The following XYLT1 variants were observed in gnomAD, a reference collection of about 807,000 sequenced individuals.
XYLT1 encodes the protein xylosyltransferase 1, also known as beta-D-xylosyltransferase 1.
In XYLT1, 36 loss-of-function variants were observed where a neutral mutation model predicts 91.3. The ratio of observed to expected loss-of-function variants is 0.39; its 90% CI spans 0.30 to 0.52. XYLT1 has a LOEUF of 0.52. Among genes scored for constraint, XYLT1 ranks in the 20% least tolerant of loss-of-function variants. XYLT1 has a pLI of 0.68. For synonymous variants in XYLT1, 588 were observed against 532.0 expected (o/e 1.11, Z -1.45); for missense variants, 1,242 against 1,284.5 (o/e 0.97, Z 0.51).
chr16:17,256,940 C>T (rs535399221), intron 3 of XYLT1, among the ~76,000 whole-genome samples: 1 of 152,326 alleles, frequency 6.6e-6, no homozygotes, highest in South Asian at 2.1e-4. Flanking sequence ...CTTCCAGCTG[C>T]ATCTGTTGAC....
chr16:17,357,206 C>T (rs2035313294), intron 2 of XYLT1, among the ~76,000 whole-genome samples: 2 of 145,414 alleles, frequency 1.4e-5, no homozygotes, highest in Admixed American at 1.4e-4. Flanking sequence ...AAAACGCTAC[C>T]ACTCACAAGC....
At chr16:17,157,722 C>A (rs150042107) in intron 6 of XYLT1, among the ~76,000 whole-genome samples, 1 of 152,202 alleles carries the variant, frequency 6.6e-6, no homozygotes, top group East Asian at 1.9e-4. Flanking sequence ...TCAGAGCCAC[C>A]CTGGACTGGT....
At chr16:17,337,086 G>A (rs577079551) in intron 2 of XYLT1, among the ~76,000 whole-genome samples, 320 of 152,280 alleles carry the variant, frequency 2.1e-3, no homozygotes, top group Non-Finnish European at 4.0e-3. Flanking sequence ...AAAGTACAGG[G>A]TGGGTTTTTT....
chr16:17,413,172 A>G (rs1314112901), intron 1 of XYLT1, among the ~76,000 whole-genome samples: 1 of 152,136 alleles, frequency 6.6e-6, no homozygotes, highest in Non-Finnish European at 1.5e-5. Context: ...CAGTCATCCT[A>G]TTTGTGCCCC....
intron 2 of XYLT1, among the ~76,000 whole-genome samples, chr16:17,343,753 G>A (rs536994255): frequency 6.6e-6 from 1 of 152,312 alleles, no homozygotes; most frequent in South Asian, 2.1e-4. Context: ...ACAGGCATGA[G>A]CCACCATACC....
rs139889964 is a variant in XYLT1, at chr16:17,224,334, G to C, written c.914-23680C>G. ...TACATGAACAAATGAATGACCCAAC[G>C]AACACTTTTAGCAGCATCTGCCTTC... On this transcript the variant is annotated intron_variant, in intron 3 of 11. Transcript: ENST00000261381. 1.2e-4 allele frequency among the ~76,000 whole-genome samples: 18 copies of C among 152,288 alleles called. No homozygotes were observed. In the East Asian group the frequency reaches 2.5e-3, roughly 21 times the overall value.
intron 10 of XYLT1, among the ~76,000 whole-genome samples, chr16:17,125,928 C>T (rs1463707083): frequency 2.0e-5 from 3 of 152,058 alleles, no homozygotes. Context: ...CATGAGATTC[C>T]CATGTATTGG....
At chr16:17,361,702 T>C (rs1358241462) in intron 1 of XYLT1, among the ~76,000 whole-genome samples, 1 of 152,170 alleles carries the variant, frequency 6.6e-6, no homozygotes, top group Non-Finnish European at 1.5e-5. Context: ...AATATACCAG[T>C]CCTTCTGAAT....
At chr16:17,456,395 T>C (rs2036743499) in intron 1 of XYLT1, among the ~76,000 whole-genome samples, 1 of 144,790 alleles carries the variant, frequency 6.9e-6, no homozygotes, top group Non-Finnish European at 1.5e-5. Flanking sequence ...TGGAGTGCAG[T>C]GGTGCGATCA....
At chr16:17,269,647 G>A (rs1453114181) in intron 2 of XYLT1, among the ~76,000 whole-genome samples, 5 of 152,084 alleles carry the variant, frequency 3.3e-5, no homozygotes, top group African/African-American at 1.2e-4. Flanking sequence ...AAGAGAGCAG[G>A]AGCCACACTT....
At chr16:17,162,716 T>C (rs1329310757) in intron 5 of XYLT1, among the ~76,000 whole-genome samples, 1 of 152,204 alleles carries the variant, frequency 6.6e-6, no homozygotes, top group Non-Finnish European at 1.5e-5. Context: ...CCCCACCCAA[T>C]ACCTATTGAG....
chr16:17,338,299 C>T (rs1252945757), intron 2 of XYLT1: 1 of 456,514 alleles, frequency 2.2e-6, no homozygotes, highest in South Asian at 1.5e-5. Flanking sequence ...AGTGGCTCCC[C>T]ATTACCTACA....
At chr16:17,332,233 T>C (rs1444003670) in intron 2 of XYLT1, among the ~76,000 whole-genome samples, 1 of 152,166 alleles carries the variant, frequency 6.6e-6, no homozygotes, top group Non-Finnish European at 1.5e-5. Flanking sequence ...AGGGTGGGAA[T>C]CTACTTCAAC....
chr16:17,250,409 G>C (rs940107375), intron 3 of XYLT1: 1 of 152,206 alleles, frequency 6.6e-6, no homozygotes, highest in Admixed American at 6.5e-5. Flanking sequence ...TAAATGACTT[G>C]AACTGAAGCA....
chr16:17,362,546 G>A (rs146516762), intron 1 of XYLT1, among the ~76,000 whole-genome samples: 57 of 152,356 alleles, frequency 3.7e-4, no homozygotes, highest in African/African-American at 1.3e-3. Flanking sequence ...AATGAAACTT[G>A]TCTACACCTC....
At chr16:17,222,897 T>A (rs1038318692) in intron 3 of XYLT1, among the ~76,000 whole-genome samples, 2 of 151,810 alleles carry the variant, frequency 1.3e-5, no homozygotes, top group African/African-American at 4.8e-5. Context: ...ACGGCCGCTC[T>A]TCGTGAACCA....
chr16:17,142,225 A>G (rs996106832), intron 6 of XYLT1, among the ~76,000 whole-genome samples: 4 of 151,966 alleles, frequency 2.6e-5, no homozygotes, highest in Non-Finnish European at 4.4e-5. Context: ...GGGTCTCACG[A>G]TGTTGCTTAG....
At chr16:17,224,110 T>C (rs981570661) in intron 3 of XYLT1, among the ~76,000 whole-genome samples, 11 of 152,050 alleles carry the variant, frequency 7.2e-5, no homozygotes, top group African/African-American at 2.4e-4. Flanking sequence ...AAGTGGAAAA[T>C]GGAAAGGAAA....
chr16:17,268,448 A>C (rs2033837848), intron 2 of XYLT1, among the ~76,000 whole-genome samples: 1 of 152,198 alleles, frequency 6.6e-6, no homozygotes, highest in Non-Finnish European at 1.5e-5. Flanking sequence ...GTTCCTCAAT[A>C]ATGTTTGAGA....
Sources: allele counts gnomAD v4.1 joint callset (sites outside exome capture counted in the v4.1 genomes callset), GRCh38; gene constraint gnomAD v4.1.1; transcripts MANE v1.5; gene names NCBI Gene and HGNC (gene_info 2026-07-23, HGNC 2026-07-21).